Variants in FHIT observed in about 807,000 individuals in gnomAD.
FHIT encodes fragile histidine triad diadenosine triphosphatase.
FHIT carries 19 observed loss-of-function variants against 17.9 expected under a neutral mutation model. The observed-to-expected ratio is 1.06, with a 90% CI of 0.74 to 1.56. FHIT has a LOEUF of 1.56. Among genes scored for constraint, FHIT ranks in the 40% most tolerant of loss-of-function variants. The pLI, the probability that FHIT is intolerant of heterozygous loss-of-function variation, is 0.00. For missense variants in FHIT, 248 were observed against 189.2 expected (o/e 1.31, Z -1.82); for synonymous variants, 81 against 69.7 (o/e 1.16, Z -0.81).
At chr3:61,238,524 A>G (rs917988369) in intron 1 of FHIT, among the ~76,000 whole-genome samples, 5 of 152,248 alleles carry the variant, frequency 3.3e-5, no homozygotes, top group African/African-American at 4.8e-5. Context: ...GTTAAATAAA[A>G]GCTGTAAAAA....
At chr3:60,066,000 C>A (rs924611192) in intron 5 of FHIT, among the ~76,000 whole-genome samples, 6 of 152,160 alleles carry the variant, frequency 3.9e-5, no homozygotes, top group African/African-American at 1.4e-4. Context: ...AGGAGGTCTT[C>A]TTGTTACCAA....
intron 3 of FHIT, among the ~76,000 whole-genome samples, chr3:60,931,689 A>T (rs1038714911): frequency 9.2e-5 from 14 of 152,176 alleles, no homozygotes; most frequent in Non-Finnish European, 1.9e-4. Flanking sequence ...ACTTTAGGGT[A>T]TGGAGTTTGT....
chr3:60,890,291 T>C (rs897179309), intron 3 of FHIT, among the ~76,000 whole-genome samples: 3 of 148,808 alleles, frequency 2.0e-5, no homozygotes, highest in Admixed American at 2.0e-4. Flanking sequence ...GTGAAGAGAC[T>C]GAGGTCATGT....
At chr3:60,154,529 C>A (rs1465277256) in intron 5 of FHIT, among the ~76,000 whole-genome samples, 1 of 152,130 alleles carries the variant, frequency 6.6e-6, no homozygotes, top group Non-Finnish European at 1.5e-5. Context: ...AGGTATATTG[C>A]CAACAAATCC....
At chr3:59,987,800 A>G (rs2107462509) in intron 7 of FHIT, among the ~76,000 whole-genome samples, 1 of 152,148 alleles carries the variant, frequency 6.6e-6, no homozygotes, top group South Asian at 2.1e-4. Flanking sequence ...TATGTTTTTC[A>G]AAGTGAAGGG....
chr3:60,037,989 C>G (rs917542994), intron 5 of FHIT, among the ~76,000 whole-genome samples: 3 of 152,166 alleles, frequency 2.0e-5, no homozygotes, highest in Non-Finnish European at 1.5e-5. Flanking sequence ...GTTGGGATTA[C>G]AGGTGTGAGG....
intron 5 of FHIT, among the ~76,000 whole-genome samples, chr3:60,062,967 A>G (rs1291242861): frequency 1.3e-5 from 2 of 152,194 alleles, no homozygotes; most frequent in African/African-American, 4.8e-5. Flanking sequence ...AGAAGAGTCA[A>G]CTGAGGAGCA....
intron 6 of FHIT, among the ~76,000 whole-genome samples, chr3:60,013,235 C>T (rs1700209262): frequency 6.6e-6 from 1 of 152,154 alleles, no homozygotes; most frequent in African/African-American, 2.4e-5. Flanking sequence ...GAATGGCAAA[C>T]ATTCAGTTTA....
intron 3 of FHIT, among the ~76,000 whole-genome samples, chr3:61,000,225 C>T (rs1415370595): frequency 6.6e-6 from 1 of 152,170 alleles, no homozygotes; most frequent in Non-Finnish European, 1.5e-5. Context: ...GGCAGCACCA[C>T]AGCAAGTAGG....
At chr3:60,340,030 T>C (rs1559834232) in intron 5 of FHIT, among the ~76,000 whole-genome samples, 1 of 152,206 alleles carries the variant, frequency 6.6e-6, no homozygotes, top group Non-Finnish European at 1.5e-5. Context: ...AATTATGCTC[T>C]GGCACAGGTT....
chr3:59,777,124 C>T (rs1702362463), intron 8 of FHIT, among the ~76,000 whole-genome samples: 1 of 152,144 alleles, frequency 6.6e-6, no homozygotes, highest in Non-Finnish European at 1.5e-5. Context: ...GAAAGGATTT[C>T]CCTTCTCCCA....
chr3:60,532,168 G>C lies in FHIT; in HGVS notation c.103+4692C>G, dbSNP rs561677227. On this transcript the variant is annotated intron_variant, in intron 5 of 9. Coordinates refer to ENST00000492590, the MANE Select transcript of FHIT (RefSeq NM_002012.4). Reference sequence around the variant, plus strand: ...AGAATACAGTATGATCAGTGAGCAAGGTTTCTGTCATTACACACCCTATTC... The same window carrying C: ...AGAATACAGTATGATCAGTGAGCAACGTTTCTGTCATTACACACCCTATTC... Among the ~76,000 whole-genome samples, 7 of 152,262 alleles carry C rather than the reference G, an allele frequency of 4.6e-5. No homozygotes were observed. The South Asian group carries it at 1.0e-3, about 23-fold the overall frequency.
At position 60,961,253 on chromosome 3, in the gene FHIT, A is replaced by G. The variant is rs539793329; in HGVS notation, c.-111+80794T>C. Among the ~76,000 whole-genome samples the G allele has an allele frequency of 1.3e-4, 20 of 151,716 alleles. No homozygotes were observed. In the East Asian group the frequency reaches 2.7e-3, roughly 21 times the overall value. ...CTTCTTTTGAGAAGTGTCTGTTCAT[A>G]TCCTTCGTTCACTTTTTGATGGGGT... is the stretch of plus-strand genomic sequence containing the variant. On this transcript the variant is annotated intron_variant, in intron 3 of 9. Coordinates refer to ENST00000492590, the MANE Select transcript of FHIT (RefSeq NM_002012.4).
intron 4 of FHIT, among the ~76,000 whole-genome samples, chr3:60,789,175 T>TATATATAG (rs1433649739): frequency 2.2e-4 from 23 of 102,684 alleles, no homozygotes; most frequent in African/African-American, 7.6e-4. Context: ...TATATATATA[T>TATATATAG]AGAGAGAGAG....
At chr3:59,771,594 T>C (rs1253138205) in intron 8 of FHIT, among the ~76,000 whole-genome samples, 1 of 152,142 alleles carries the variant, frequency 6.6e-6, no homozygotes, top group African/African-American at 2.4e-5. Context: ...AAATAATTAC[T>C]AAAGGGCAGC....
At chr3:60,020,542 A>C (rs1056250520) in intron 5 of FHIT, among the ~76,000 whole-genome samples, 3 of 152,200 alleles carry the variant, frequency 2.0e-5, no homozygotes, top group Non-Finnish European at 4.4e-5. Context: ...ATAATACAAC[A>C]CAGAATTAAT....
intron 5 of FHIT, among the ~76,000 whole-genome samples, chr3:60,233,990 T>C (rs749345789): frequency 6.6e-6 from 1 of 152,300 alleles, no homozygotes. Flanking sequence ...ACATCTTTAT[T>C]AGCAGCATGA....
intron 3 of FHIT, among the ~76,000 whole-genome samples, chr3:61,030,322 G>A (rs1416769370): frequency 6.6e-6 from 1 of 152,166 alleles, no homozygotes; most frequent in Non-Finnish European, 1.5e-5. Flanking sequence ...AGTATTAGAA[G>A]CAATGCTCTA....
chr3:60,678,842 A>G (rs1266013077), intron 4 of FHIT, among the ~76,000 whole-genome samples: 1 of 151,608 alleles, frequency 6.6e-6, no homozygotes, highest in Admixed American at 6.6e-5. Flanking sequence ...AAGATTTACC[A>G]TTTGTTTTGT....
Sources: allele counts gnomAD v4.1 joint callset (sites outside exome capture counted in the v4.1 genomes callset), GRCh38; gene constraint gnomAD v4.1.1; transcripts MANE v1.5; gene names NCBI Gene and HGNC (gene_info 2026-07-23, HGNC 2026-07-21).